The following HSCB variants were observed in gnomAD, a reference collection of about 807,000 sequenced individuals.
HSCB encodes HscB mitochondrial iron-sulfur cluster cochaperone, also known as iron-sulfur cluster co-chaperone protein HscB.
A neutral mutation model predicts 31.3 loss-of-function variants in HSCB; 23 were observed. The ratio of observed to expected loss-of-function variants is 0.74; its 90% CI spans 0.53 to 1.04. The LOEUF (loss-of-function observed/expected upper bound fraction) is 1.04, where lower values mean the gene tolerates loss of function less well. HSCB is among the 50% of genes least tolerant of loss of function. HSCB has a pLI of 0.00. For synonymous variants in HSCB, 110 were observed against 104.5 expected (o/e 1.05, Z -0.32); for missense variants, 297 against 288.1 (o/e 1.03, Z -0.22).
At position 28,757,169 on chromosome 22, in the gene HSCB, AT is replaced by A. The variant is rs755827887; in HGVS notation, c.*2del. The A allele has an allele frequency of 1.5e-5, 22 of 1,429,106 alleles. No individual in the cohort carries two copies. The East Asian group carries it at 5.0e-4, about 32-fold the overall frequency. 88.5% of individuals were successfully genotyped at this position (1,429,106 alleles called of 1,614,324 possible). Reference sequence around the variant, plus strand: ...TCAAGTTAAAGAAGATTCCCCTTTAATTGTGGATAGTTTAAAGTTTAAAAAA... The same window carrying A: ...TCAAGTTAAAGAAGATTCCCCTTTAATGTGGATAGTTTAAAGTTTAAAAAA... On this transcript the variant is annotated 3_prime_UTR_variant, in exon 6 of 6. Transcript: ENST00000216027.
Position 28,745,888 on chromosome 22 carries a change from C to G in HSCB, c.448C>G (p.Pro150Ala), listed in dbSNP as rs1030560660. Reference protein sequence around the residue: ...YLLKLHGIEIPERTDYEMDRQ... With the variant: ...YLLKLHGIEIAERTDYEMDRQ... ...GCTAAAGCTCCATGGAATAGAGATTCCTGAAAGGACAGATTATGAAATGGA... is the reference window on the plus strand; with the variant it reads ...GCTAAAGCTCCATGGAATAGAGATTGCTGAAAGGACAGATTATGAAATGGA... The change falls in exon 4 of 6, where the codon CCT (proline) becomes GCT (alanine). Residue 150 changes from proline to alanine, a missense_variant. Physicochemically the swap from Pro to Ala is conservative, Grantham distance 27. Transcript: ENST00000216027. The G allele has an allele frequency of 3.7e-6, 6 of 1,611,918 alleles. No homozygotes were observed. The South Asian group carries it at 6.6e-5, about 18-fold the overall frequency.
chr22:28,751,281 T>C lies in HSCB; in HGVS notation c.609T>C (p.Phe203=). The change falls in exon 5 of 6, where the codon TTT becomes TTC. Residue 203 remains phenylalanine, a synonymous_variant. Transcript: ENST00000216027. ...KEFTDNVSSA[F]EQDDFEEAKE... ...TTACTGACAATGTGAGCAGTGCTTTTGAACAAGGTACTTTCTTTTCTTCAC... is the reference window on the plus strand; with the variant it reads ...TTACTGACAATGTGAGCAGTGCTTTCGAACAAGGTACTTTCTTTTCTTCAC... 2 of 1,593,694 alleles carry C rather than the reference T, an allele frequency of 1.3e-6. No homozygotes were observed. The highest frequency in any genetic ancestry group is 1.7e-6 in the Non-Finnish European group (2 of 1,165,848).
chr22:28,754,669 CA>C (rs913630739), intron 5 of HSCB, among the ~76,000 whole-genome samples: 22 of 143,348 alleles, frequency 1.5e-4, no homozygotes, highest in Admixed American at 1.4e-4. Flanking sequence ...GACTCTATCT[CA>C]AAAAAAAAAA....
chr22:28,743,823 AT>A, intron 1 of HSCB, 58 bp from the exon 2 acceptor site: 1 of 1,410,896 alleles, frequency 7.1e-7, no homozygotes, highest in Non-Finnish European at 1.0e-6. Context: ...AACCAGGCTC[AT>A]GGTAGATAAA....
At chr22:28,750,267 AAAAAAAAAAC>A (rs2030135266) in intron 4 of HSCB, among the ~76,000 whole-genome samples, 1 of 151,516 alleles carries the variant, frequency 6.6e-6, no homozygotes. Context: ...AAAAAAAAAA[AAAAAAAAAAC>A]ACTTATTCTA....
At chr22:28,752,893 A>G (rs2030354233) in intron 5 of HSCB, among the ~76,000 whole-genome samples, 1 of 151,770 alleles carries the variant, frequency 6.6e-6, no homozygotes, top group South Asian at 2.1e-4. Flanking sequence ...AGCCTGACAA[A>G]CATGGTGGAA....
At chr22:28,743,800 C>A in intron 1 of HSCB, 82 bp from the exon 2 acceptor site, 1 of 1,162,024 alleles carries the variant, frequency 8.6e-7, no homozygotes, top group Non-Finnish European at 1.3e-6. Flanking sequence ...TGCATCTTCC[C>A]CATAAGAGCA....
At chr22:28,750,531 G>A (rs781761534) in intron 4 of HSCB, among the ~76,000 whole-genome samples, 2 of 152,046 alleles carry the variant, frequency 1.3e-5, no homozygotes, top group African/African-American at 2.4e-5. Flanking sequence ...CAAGTGACTT[G>A]GATTCTGTTC....
chr22:28,750,945 C>CTTTTTTTTTTTTTTTTTT lies in HSCB; in HGVS notation c.569-289_569-272dup, dbSNP rs758451182. 4.1e-3 allele frequency among the ~76,000 whole-genome samples: 234 copies of CTTTTTTTTTTTTTTTTTT among 56,438 alleles called. 29 individuals carry two copies. Among genetic ancestry groups the CTTTTTTTTTTTTTTTTTT allele is most frequent in the East Asian group, 0.02 (20 of 976 alleles). The allele number at this position is 56,438 out of a possible 152,430, so 37.0% of individuals were successfully genotyped here. A position where few individuals can be genotyped will look rare whatever the true frequency, so the allele number is the denominator to read the frequency against. On this transcript the variant is annotated intron_variant, in intron 4 of 5. Transcript: ENST00000216027. The stretch of plus-strand genomic sequence containing the variant: ...GGAGATAATCAAAGTATATCTTTGT[C>CTTTTTTTTTTTTTTTTTT]TTTTTTTTTTTTTTTTTTTTTTTTA...
intron 4 of HSCB, 76 bp from the exon 5 acceptor site, chr22:28,751,165 T>TGTGTTCAAACCAG (rs1225266326): frequency 2.5e-5 from 22 of 877,666 alleles, no homozygotes; most frequent in Non-Finnish European, 3.8e-5. Context: ...CCAGCATGAT[T>TGTGTTCAAACCAG]ACAAAGTTTA....
chr22:28,756,947 C>A (rs2030638505), intron 5 of HSCB, 131 bp from the exon 6 acceptor site: 2 of 701,068 alleles, frequency 2.9e-6, no homozygotes, highest in African/African-American at 3.6e-5. Flanking sequence ...CTTCGTTGCT[C>A]AGTCTTACTG....
At chr22:28,746,465 G>C (rs1026987479) in intron 4 of HSCB, among the ~76,000 whole-genome samples, 1 of 151,748 alleles carries the variant, frequency 6.6e-6, no homozygotes, top group Non-Finnish European at 1.5e-5. Context: ...AAAATCTATA[G>C]GGTAGGGCTG....
At chr22:28,748,976 A>C (rs1164124680) in intron 4 of HSCB, among the ~76,000 whole-genome samples, 2 of 151,868 alleles carry the variant, frequency 1.3e-5, no homozygotes, top group Non-Finnish European at 2.9e-5. Context: ...CCCCATCTCC[A>C]TTAAAAATTT....
rs1339027142 is a variant in HSCB at position 28,757,250 on chromosome 22, G to T, written c.*81G>T. On this transcript the variant is annotated 3_prime_UTR_variant, in exon 6 of 6. Transcript: ENST00000216027. ...ACCTGTAATCCCAGCACTTTGGGAGGCTGAGGTGGGTGGATGACAAGGTCA... is the reference window on the plus strand; with the variant it reads ...ACCTGTAATCCCAGCACTTTGGGAGTCTGAGGTGGGTGGATGACAAGGTCA... 1.6e-5 allele frequency: 11 copies of T among 706,422 alleles called. No homozygotes were observed. The highest frequency in any genetic ancestry group is 1.7e-5 in the Non-Finnish European group (7 of 400,202). The allele number at this position is 706,422 out of a possible 1,614,324, so 43.8% of individuals were successfully genotyped here.
intron 5 of HSCB, among the ~76,000 whole-genome samples, chr22:28,753,323 C>T (rs907130712): frequency 1.5e-5 from 2 of 136,002 alleles, no homozygotes; most frequent in African/African-American, 2.8e-5. Context: ...GTCCGGAGTT[C>T]GAGACCTGCC....
At chr22:28,749,090 G>A (rs746211399) in intron 4 of HSCB, among the ~76,000 whole-genome samples, 20 of 151,586 alleles carry the variant, frequency 1.3e-4, no homozygotes, top group Non-Finnish European at 2.1e-4. Context: ...GCAGTGAACC[G>A]TGTTTGCACC....
chr22:28,745,339 GGAGTTCAAGACCAGCCTGGTCAAGATGGT>G (rs11269402), intron 3 of HSCB: 73,612 of 151,538 alleles, frequency 0.49, 18,587 homozygotes, highest in Non-Finnish European at 0.52. Context: ...CACGAGGTCA[GGAGTTCAAGACCAGCCTGGTCAAGATGGT>G]GAAACCCCGC....
chr22:28,747,151 C>T (rs1419746439), intron 4 of HSCB, among the ~76,000 whole-genome samples: 3 of 152,114 alleles, frequency 2.0e-5, no homozygotes, highest in African/African-American at 7.2e-5. Context: ...TACAGAATTC[C>T]TTCCCAGAAA....
At position 28,742,332 on chromosome 22, in the gene HSCB, G is replaced by A; in HGVS notation, c.236+1G>A. The A allele has an allele frequency of 1.2e-6, 2 of 1,609,882 alleles. No individual in the cohort carries two copies. Among genetic ancestry groups the A allele is most frequent in the Non-Finnish European group, 1.7e-6 (2 of 1,176,616 alleles). ...GAGACTACTTCAGCCTTATGGACTG[G>A]TACGAGCGACGGTTTCGGGAAACGG... On this transcript the variant is annotated splice_donor_variant, in intron 1 of 5. Transcript: ENST00000216027. LOFTEE classifies it high-confidence loss of function.
Sources: allele counts gnomAD v4.1 joint callset (sites outside exome capture counted in the v4.1 genomes callset), GRCh38; gene constraint gnomAD v4.1.1; transcripts MANE v1.5; gene names NCBI Gene and HGNC (gene_info 2026-07-23, HGNC 2026-07-21).